The following STPG2 variants were observed in gnomAD, a reference collection of about 807,000 sequenced individuals.
STPG2 encodes the protein sperm tail PG-rich repeat containing 2, also known as sperm-tail PG-rich repeat-containing protein 2.
A neutral mutation model predicts 54.2 loss-of-function variants in STPG2; 56 were observed. That is an observed-to-expected ratio of 1.03 (90% CI 0.83 to 1.29). The LOEUF is 1.29. Among genes scored for constraint, STPG2 ranks in the 50% most tolerant of loss-of-function variants. The pLI, the probability that STPG2 is intolerant of heterozygous loss-of-function variation, is 0.00. For synonymous variants in STPG2, 200 were observed against 181.8 expected, an observed-to-expected ratio of 1.10 and a Z score of -0.81; for missense variants, 596 against 544.9, an observed-to-expected ratio of 1.09 and a Z score of -0.93.
intron 8 of STPG2, among the ~76,000 whole-genome samples, chr4:97,866,406 G>T (rs938094152): frequency 7.9e-5 from 12 of 151,898 alleles, no homozygotes; most frequent in Non-Finnish European, 1.6e-4. Context: ...ACTAAAAAAT[G>T]TTTTAAAAGA....
intron 4 of STPG2, among the ~76,000 whole-genome samples, chr4:97,544,909 G>A (rs1025046496): frequency 6.6e-6 from 1 of 152,066 alleles, no homozygotes; most frequent in African/African-American, 2.4e-5. Context: ...GGGAGAGAAA[G>A]GAGTTAAGGA....
intron 10 of STPG2, among the ~76,000 whole-genome samples, chr4:97,643,982 A>G (rs183491918): frequency 2.0e-4 from 30 of 151,998 alleles, no homozygotes; most frequent in Admixed American, 3.3e-4. Flanking sequence ...ATGATTTTCA[A>G]TCTTTCTAAT....
chr4:97,498,253 T>G (rs1730652292), intron 4 of STPG2, among the ~76,000 whole-genome samples: 1 of 151,926 alleles, frequency 6.6e-6, no homozygotes, highest in Non-Finnish European at 1.5e-5. Flanking sequence ...AATAGAGAAC[T>G]TGTTAATGAG....
At chr4:97,773,536 T>C (rs972281079) in intron 9 of STPG2, among the ~76,000 whole-genome samples, 14 of 152,252 alleles carry the variant, frequency 9.2e-5, no homozygotes, top group African/African-American at 3.4e-4. Flanking sequence ...GGTCACAGAC[T>C]CATGAGCTCA....
rs553455930 is a variant in STPG2, at chr4:98,082,215, T to G, written c.612+23738A>C. 1.2e-3 allele frequency among the ~76,000 whole-genome samples: 180 copies of G among 152,150 alleles called. 1 individual carries two copies. The South Asian group carries it at 0.014, about 12-fold the overall frequency. On this transcript the variant is annotated intron_variant, in intron 5 of 10. Coordinates refer to ENST00000295268, the MANE Select transcript of STPG2 (RefSeq NM_174952.3). ...CCTACATTAAGAGACACTCACCTTA[T>G]GACAGCGCTCAAGCCAGGATACATC...
intron 10 of STPG2, among the ~76,000 whole-genome samples, chr4:97,685,828 A>T (rs1723171375): frequency 6.6e-6 from 1 of 152,322 alleles, no homozygotes; most frequent in Admixed American, 6.5e-5. Context: ...TATTTCTGTA[A>T]ACCTAAAACT....
At chr4:97,937,595 GCTTT>G (rs1361880344) in intron 8 of STPG2, among the ~76,000 whole-genome samples, 1 of 152,110 alleles carries the variant, frequency 6.6e-6, no homozygotes, top group Non-Finnish European at 1.5e-5. Context: ...TGTTATTGTT[GCTTT>G]CTGTTTGTTT....
chr4:97,759,737 G>A (rs1725835437), intron 9 of STPG2, among the ~76,000 whole-genome samples: 1 of 152,114 alleles, frequency 6.6e-6, no homozygotes, highest in East Asian at 1.9e-4. Context: ...CTTGTTTGCT[G>A]GAGTTTCAGG....
chr4:97,757,889 C>G (rs1725779268), intron 9 of STPG2, among the ~76,000 whole-genome samples: 1 of 152,296 alleles, frequency 6.6e-6, no homozygotes, highest in Middle Eastern at 3.4e-3. Flanking sequence ...GAGAAAGACA[C>G]TTAAGCTTTC....
intron 4 of STPG2, among the ~76,000 whole-genome samples, chr4:97,538,156 T>G (rs1035294887): frequency 6.6e-6 from 1 of 152,176 alleles, no homozygotes; most frequent in Non-Finnish European, 1.5e-5. Flanking sequence ...TCCAAAGGAA[T>G]GCAGCTCCTC....
intron 5 of STPG2, among the ~76,000 whole-genome samples, chr4:98,072,564 G>C (rs1405820433): frequency 1.0e-5 from 1 of 98,084 alleles, no homozygotes; most frequent in Non-Finnish European, 2.1e-5. Flanking sequence ...AAAGTTGAAG[G>C]GAAAATAATA....
chr4:98,119,532 T>A (rs1392995556), intron 3 of STPG2, among the ~76,000 whole-genome samples: 1 of 152,102 alleles, frequency 6.6e-6, no homozygotes, highest in Non-Finnish European at 1.5e-5. Flanking sequence ...TTGAGGTAAT[T>A]AGCAATATTT....
At chr4:97,747,469 A>AT (rs1472258281) in intron 9 of STPG2, among the ~76,000 whole-genome samples, 1 of 151,284 alleles carries the variant, frequency 6.6e-6, no homozygotes. Context: ...TTCTGTCCCA[A>AT]TTTTTTTGGT....
At chr4:97,545,680 A>G (rs1560653578) in intron 4 of STPG2, among the ~76,000 whole-genome samples, 1 of 152,148 alleles carries the variant, frequency 6.6e-6, no homozygotes, top group Non-Finnish European at 1.5e-5. Flanking sequence ...TTCAAAATTT[A>G]TAAAAAATAA....
At chr4:97,660,737 C>T (rs990617420) in intron 10 of STPG2, among the ~76,000 whole-genome samples, 7 of 152,176 alleles carry the variant, frequency 4.6e-5, no homozygotes, top group Non-Finnish European at 8.8e-5. Flanking sequence ...CCCCAAAAAA[C>T]TTTAGAAATG....
Position 97,694,812 on chromosome 4 carries a change from C to CAAAAAAA in STPG2, c.1320+17880_1320+17886dup, listed in dbSNP as rs70953083. Among the ~76,000 whole-genome samples the CAAAAAAA allele has an allele frequency of 1.7e-3, 77 of 44,044 alleles. 4 individuals carry two copies. The highest frequency in any genetic ancestry group is 2.6e-3 in the Non-Finnish European group (61 of 23,456). 28.9% of individuals were successfully genotyped at this position (44,044 alleles called of 152,430 possible). ...TGGGTTACAGAGCAAGACTCTGTCA[C>CAAAAAAA]AAAAAAAAAAAAAAAAAAAAAAAAA... On this transcript the variant is annotated intron_variant, in intron 10 of 10. Coordinates refer to ENST00000295268, the MANE Select transcript of STPG2 (RefSeq NM_174952.3).
At chr4:97,853,222 T>C (rs1228399478) in intron 8 of STPG2, among the ~76,000 whole-genome samples, 2 of 152,028 alleles carry the variant, frequency 1.3e-5, no homozygotes, top group African/African-American at 2.4e-5. Flanking sequence ...CACCTTGGCC[T>C]CCCAAAGTGC....
chr4:97,548,200 T>C (rs2148866059), intron 4 of STPG2, among the ~76,000 whole-genome samples: 1 of 152,134 alleles, frequency 6.6e-6, no homozygotes, highest in South Asian at 2.1e-4. Flanking sequence ...CACAGACTCC[T>C]CGTGAAAATG....
At chr4:97,669,912 G>A (rs1239151531) in intron 10 of STPG2, among the ~76,000 whole-genome samples, 1 of 152,086 alleles carries the variant, frequency 6.6e-6, no homozygotes. Flanking sequence ...AACTCTGCAT[G>A]TACAGAAGCC....
Sources: allele counts gnomAD v4.1 joint callset (sites outside exome capture counted in the v4.1 genomes callset), GRCh38; gene constraint gnomAD v4.1.1; transcripts MANE v1.5; gene names NCBI Gene and HGNC (gene_info 2026-07-23, HGNC 2026-07-21).